Variants in PHIP observed in about 807,000 individuals in gnomAD.
PHIP encodes the protein PH-interacting protein.
In PHIP, 54 loss-of-function variants were observed where a neutral mutation model predicts 236.8. The ratio of observed to expected loss-of-function variants is 0.23; its 90% CI spans 0.18 to 0.29. The LOEUF (loss-of-function observed/expected upper bound fraction) is 0.29. PHIP is among the 10% of genes least tolerant of loss of function. The pLI is 1.00. For synonymous variants in PHIP, 756 were observed against 718.9 expected (o/e 1.05, Z -0.83); for missense variants, 1,370 against 2,190.8 (o/e 0.63, Z 7.48).
chr6:78,951,871 TATAAATAGCTACAA>T (rs1309838785), intron 35 of PHIP, among the ~76,000 whole-genome samples: 1 of 152,238 alleles, frequency 6.6e-6, no homozygotes, highest in Non-Finnish European at 1.5e-5. Context: ...TGGCTTTGTC[TATAAATAGCTACAA>T]ATAAATAGCT....
intron 4 of PHIP, among the ~76,000 whole-genome samples, chr6:79,076,753 A>T (rs1371569885): frequency 2.6e-5 from 4 of 152,138 alleles, no homozygotes; most frequent in African/African-American, 2.4e-5. Flanking sequence ...CATAAGAATT[A>T]AAAAAAGCCT....
rs977125398 is a variant in PHIP, at chr6:78,935,213, ACCTT to A, written c.*5476_*5479del. ...GAAAAGGTTATCAGGAATTTTTTTT[ACCTT>A]CCTTCCTCAACTTAGAAATTTATTA... On this transcript the variant is annotated 3_prime_UTR_variant, in exon 40 of 40. Coordinates refer to ENST00000275034, the MANE Select transcript of PHIP (RefSeq NM_017934.7). Among the ~76,000 whole-genome samples the A allele has an allele frequency of 3.3e-5, 5 of 152,114 alleles. No homozygotes were observed. Among genetic ancestry groups the A allele is most frequent in the African/African-American group, 4.8e-5 (2 of 41,446 alleles).
intron 39 of PHIP, among the ~76,000 whole-genome samples, chr6:78,943,867 T>C (rs1318548906): frequency 2.0e-5 from 3 of 151,714 alleles, no homozygotes; most frequent in Non-Finnish European, 2.9e-5. Context: ...ACACCTATAA[T>C]TCCAGCTACT....
intron 23 of PHIP, 21 bp downstream of exon 23, chr6:78,982,865 T>C: frequency 1.4e-6 from 2 of 1,442,618 alleles, no homozygotes; most frequent in Non-Finnish European, 1.9e-6. Flanking sequence ...AACACCAAAT[T>C]TGTAATGTTA....
intron 23 of PHIP, 133 bp downstream of exon 23, chr6:78,982,753 G>T: frequency 1.7e-6 from 1 of 580,826 alleles, no homozygotes; most frequent in Non-Finnish European, 3.0e-6. Context: ...TTTTACTACT[G>T]TGTATTTCTG....
intron 36 of PHIP, 143 bp downstream of exon 36, chr6:78,947,480 T>C: frequency 1.9e-6 from 1 of 537,926 alleles, no homozygotes. Flanking sequence ...TAGAAAGGTA[T>C]AATTTCTTTT....
chr6:78,991,071 G>A (rs143305170), intron 19 of PHIP, 86 bp from the exon 20 acceptor site: 8 of 734,208 alleles, frequency 1.1e-5, no homozygotes, highest in African/African-American at 7.2e-5. Context: ...GGAAAGGAAC[G>A]CTACTCCTGA....
chr6:79,075,233 A>C (rs1774089899), intron 4 of PHIP, among the ~76,000 whole-genome samples: 1 of 152,164 alleles, frequency 6.6e-6, no homozygotes, highest in South Asian at 2.1e-4. Flanking sequence ...CTAAAAAGGT[A>C]AAATAAAGTT....
chr6:79,023,647 T>C (rs773268206), intron 9 of PHIP, among the ~76,000 whole-genome samples: 1 of 151,940 alleles, frequency 6.6e-6, no homozygotes, highest in Admixed American at 6.6e-5. Context: ...CCTAATTATA[T>C]CTATATAAAA....
At chr6:78,989,399 G>A (rs1406001406) in intron 20 of PHIP, among the ~76,000 whole-genome samples, 2 of 152,144 alleles carry the variant, frequency 1.3e-5, no homozygotes, top group Non-Finnish European at 2.9e-5. Context: ...TCTGGCCTGG[G>A]TAACACAATG....
intron 15 of PHIP, among the ~76,000 whole-genome samples, chr6:79,006,758 A>T (rs1467014971): frequency 6.6e-6 from 1 of 152,018 alleles, no homozygotes; most frequent in Non-Finnish European, 1.5e-5. Context: ...AAATAAGTGC[A>T]TTTTAGATGA....
intron 4 of PHIP, among the ~76,000 whole-genome samples, chr6:79,076,928 A>G (rs3812161): frequency 3.3e-5 from 5 of 152,174 alleles, no homozygotes; most frequent in Non-Finnish European, 5.9e-5. Flanking sequence ...ACAGAGGGGG[A>G]AAAAATAATG....
At position 78,970,121 on chromosome 6, in the gene PHIP, G is replaced by A; in HGVS notation, c.3050C>T (p.Thr1017Ile). Residue 1017 changes from threonine to isoleucine, a missense_variant, in exon 26 of 40, where the codon ACC becomes ATC. Physicochemically the swap from Thr to Ile is moderately conservative, Grantham distance 89 (BLOSUM62 -1). Coordinates refer to ENST00000275034, the MANE Select transcript of PHIP (RefSeq NM_017934.7). ...VGIKYEVGLP[T>I]LCCLKLAFLD... ...AAAAGCAAGTTTAAGGCAGCAAAGG[G>A]TAGGTAATCCCACTTCATACTTTAT... 6.2e-7 allele frequency: 1 copy of A among 1,612,040 alleles called. No individual in the cohort carries two copies. The highest frequency in any genetic ancestry group is 8.5e-7 in the Non-Finnish European group (1 of 1,178,266).
intron 10 of PHIP, among the ~76,000 whole-genome samples, chr6:79,017,982 T>C (rs1220579792): frequency 6.6e-6 from 1 of 151,896 alleles, no homozygotes; most frequent in Non-Finnish European, 1.5e-5. Context: ...CCTCAGTAAC[T>C]TTTCTTTACA....
Position 78,947,773 on chromosome 6 carries a change from G to A in PHIP, c.4056C>T (p.Asp1352=). Residue 1352 remains aspartate, a splice_region_variant and synonymous_variant, in exon 36 of 40, where the codon GAC becomes GAT. Transcript: ENST00000275034. ...TTGGAGTGTCAATGATGTCTCTGTA[G>A]TCCTAGGAGAGGGAAAACAGGTGGT... ...RQPVDLLEYP[D]YRDIIDTPMD... is the part of the protein sequence containing the mutation. 3 of 1,601,696 alleles carry A rather than the reference G, an allele frequency of 1.9e-6. No individual in the cohort carries two copies. Among genetic ancestry groups the A allele is most frequent in the Non-Finnish European group, 1.7e-6 (2 of 1,171,864 alleles).
chr6:79,017,732 A>T, intron 10 of PHIP, 149 bp from the exon 11 acceptor site: 1 of 564,836 alleles, frequency 1.8e-6, no homozygotes, highest in Non-Finnish European at 3.2e-6. Context: ...TATATAACAC[A>T]TCTAACTGGA....
Position 78,970,834 on chromosome 6 carries a change from T to C in PHIP, c.2944A>G (p.Lys982Glu). The C allele has an allele frequency of 6.2e-7, 1 of 1,612,378 alleles. No individual in the cohort carries two copies. Reference protein sequence around the residue: ...EAYVEMARKNKIYSINPKKQP... With the variant: ...EAYVEMARKNEIYSINPKKQP... ...TTTTTGGGATTGATACTATATATTT[T>C]ATTTTTCCGGGCCATTTCGACATAG... is the stretch of plus-strand genomic sequence containing the variant. Residue 982 changes from lysine (K) to glutamate (E), a missense_variant, in exon 25 of 40, where the codon AAA (lysine) becomes GAA (glutamate). Physicochemically the swap from Lys to Glu is moderately conservative, Grantham distance 56. Around this residue, in one of 14 missense-constraint regions of PHIP, gnomAD observed 238 missense variants for 398.5 expected, o/e 0.60. Coordinates refer to ENST00000275034, the MANE Select transcript of PHIP (RefSeq NM_017934.7).
At chr6:79,003,505 T>C (rs1029323026) in intron 16 of PHIP, among the ~76,000 whole-genome samples, 21 of 152,204 alleles carry the variant, frequency 1.4e-4, no homozygotes, top group Admixed American at 5.2e-4. Context: ...GTTATTTTTT[T>C]CCTGAAATAT....
intron 27 of PHIP, among the ~76,000 whole-genome samples, chr6:78,968,750 T>C (rs1179144972): frequency 6.6e-6 from 1 of 152,222 alleles, no homozygotes; most frequent in Non-Finnish European, 1.5e-5. Flanking sequence ...ATTGCTTCAT[T>C]TTTTTAATGC....
Sources: gnomAD v4.1 joint callset for allele counts (sites outside exome capture counted in the v4.1 genomes callset) on GRCh38, gnomAD v4.1.1 for gene constraint, gnomAD v4.1.1 regional missense constraint, MANE v1.5 for transcripts, NCBI Gene and HGNC (gene_info 2026-07-23, HGNC 2026-07-21) for gene names.